The following GRM7 variants were observed in gnomAD, a reference collection of about 807,000 sequenced individuals.
The protein encoded by GRM7 is metabotropic glutamate receptor 7.
Under a neutral mutation model 84.5 loss-of-function variants are expected in GRM7, and 35 were observed. That is an observed-to-expected ratio of 0.41 (90% CI 0.32 to 0.55). The LOEUF (loss-of-function observed/expected upper bound fraction) is 0.55, where lower values mean the gene tolerates loss of function less well. Ranked by LOEUF, GRM7 falls within the 20% of genes least tolerant of loss-of-function variation. The pLI is 0.19. For synonymous variants in GRM7, 487 were observed against 455.1 expected (o/e 1.07, Z -0.89); for missense variants, 1,003 against 1,194.6 (o/e 0.84, Z 2.36).
chr3:7,600,098 C>T (rs934782716), intron 8 of GRM7, among the ~76,000 whole-genome samples: 1 of 152,052 alleles, frequency 6.6e-6, no homozygotes, highest in Non-Finnish European at 1.5e-5. Flanking sequence ...GCAGGATAGG[C>T]ATCCATTTTC....
intron 1 of GRM7, among the ~76,000 whole-genome samples, chr3:6,895,010 T>G (rs1368637551): frequency 6.6e-6 from 1 of 152,182 alleles, no homozygotes; most frequent in Non-Finnish European, 1.5e-5. Context: ...TAAGATTGTC[T>G]TTATCCAAGA....
intron 1 of GRM7, among the ~76,000 whole-genome samples, chr3:7,030,223 C>A (rs1463552887): frequency 1.3e-5 from 2 of 152,118 alleles, no homozygotes; most frequent in East Asian, 3.9e-4. Flanking sequence ...CATTTCTATA[C>A]AACTTTAGAA....
chr3:7,598,284 A>G (rs1468135694), intron 8 of GRM7, among the ~76,000 whole-genome samples: 1 of 152,214 alleles, frequency 6.6e-6, no homozygotes, highest in Non-Finnish European at 1.5e-5. Context: ...CTATTTGGAC[A>G]CATGTCCTTT....
At chr3:7,571,051 A>G (rs537242052) in intron 7 of GRM7, among the ~76,000 whole-genome samples, 2 of 152,044 alleles carry the variant, frequency 1.3e-5, no homozygotes, top group Non-Finnish European at 2.9e-5. Flanking sequence ...CAGTGCACCA[A>G]TTTCCTATGC....
At chr3:7,573,215 T>G (rs1165095987) in intron 7 of GRM7, among the ~76,000 whole-genome samples, 1 of 151,824 alleles carries the variant, frequency 6.6e-6, no homozygotes, top group Non-Finnish European at 1.5e-5. Context: ...TTTCTATCAA[T>G]TAGATAGGAC....
chr3:7,508,075 C>G (rs1173606028), intron 7 of GRM7, among the ~76,000 whole-genome samples: 2 of 152,164 alleles, frequency 1.3e-5, no homozygotes, highest in African/African-American at 4.8e-5. Context: ...TTTTCAATGT[C>G]TGTGTGCTGA....
intron 6 of GRM7, among the ~76,000 whole-genome samples, chr3:7,460,065 C>T (rs4686128): frequency 8.6e-6 from 1 of 116,360 alleles, no homozygotes; most frequent in African/African-American, 3.3e-5. Context: ...ATGACAGCAT[C>T]TTAACCAGAC....
chr3:7,552,488 G>C (rs962215217), intron 7 of GRM7, among the ~76,000 whole-genome samples: 2 of 152,176 alleles, frequency 1.3e-5, no homozygotes, highest in Non-Finnish European at 2.9e-5. Flanking sequence ...CACTGCCCTA[G>C]CAGAGGTCAT....
chr3:7,454,803 T>G (rs974975824), intron 6 of GRM7, among the ~76,000 whole-genome samples: 1 of 152,096 alleles, frequency 6.6e-6, no homozygotes, highest in Non-Finnish European at 1.5e-5. Flanking sequence ...TGGGTAAATA[T>G]AGAAGTAAAT....
intron 4 of GRM7, among the ~76,000 whole-genome samples, chr3:7,337,841 G>A (rs1180474832): frequency 2.0e-5 from 3 of 151,906 alleles, no homozygotes; most frequent in African/African-American, 7.2e-5. Context: ...ATAGAAAACT[G>A]TATGGAGATT....
At chr3:7,074,106 A>T (rs2124987631) in intron 1 of GRM7, among the ~76,000 whole-genome samples, 1 of 152,336 alleles carries the variant, frequency 6.6e-6, no homozygotes, top group East Asian at 1.9e-4. Context: ...TATTAATAAG[A>T]GTAGCAAAAA....
At chr3:7,453,673 G>A (rs548768598) in intron 6 of GRM7, among the ~76,000 whole-genome samples, 1 of 152,198 alleles carries the variant, frequency 6.6e-6, no homozygotes, top group South Asian at 2.1e-4. Flanking sequence ...TCACTTTCCT[G>A]TCAGCCTCCA....
intron 1 of GRM7, among the ~76,000 whole-genome samples, chr3:6,972,794 A>G (rs558265150): frequency 4.6e-5 from 7 of 152,298 alleles, no homozygotes; most frequent in Middle Eastern, 3.4e-3. Context: ...TGGGCCCCCA[A>G]AATAGCTTGA....
chr3:7,741,485 T>C lies in GRM7; in HGVS notation c.*1079T>C, dbSNP rs1559515985. The C allele has an allele frequency of 6.6e-6, 1 of 152,654 alleles. No individual in the cohort carries two copies. Among genetic ancestry groups the C allele is most frequent in the East Asian group, 1.9e-4 (1 of 5,190 alleles). 9.5% of individuals were successfully genotyped at this position (152,654 alleles called of 1,614,324 possible). On this transcript the variant is annotated 3_prime_UTR_variant, in exon 10 of 10. Coordinates refer to ENST00000357716, the MANE Select transcript of GRM7 (RefSeq NM_000844.4). The stretch of plus-strand genomic sequence containing the variant: ...CTCTTTCCATTCTCTTTCAATTCTG[T>C]GATATTGTCCAAGAATGTATCAATA...
At chr3:7,045,484 G>C (rs1291547959) in intron 1 of GRM7, among the ~76,000 whole-genome samples, 1 of 152,142 alleles carries the variant, frequency 6.6e-6, no homozygotes, top group African/African-American at 2.4e-5. Flanking sequence ...TAAATGTCCA[G>C]AACTCATTGT....
chr3:7,449,515 T>C (rs1187924843), intron 5 of GRM7, among the ~76,000 whole-genome samples: 1 of 152,148 alleles, frequency 6.6e-6, no homozygotes, highest in Non-Finnish European at 1.5e-5. Flanking sequence ...GAAAAATCTT[T>C]AAAAATCAAC....
intron 7 of GRM7, among the ~76,000 whole-genome samples, chr3:7,462,974 A>G (rs1258414725): frequency 6.6e-6 from 1 of 151,612 alleles, no homozygotes; most frequent in South Asian, 2.1e-4. Context: ...AAAACAACAC[A>G]AACAAAAACC....
At chr3:7,175,740 G>A (rs1695125160) in intron 2 of GRM7, among the ~76,000 whole-genome samples, 1 of 152,206 alleles carries the variant, frequency 6.6e-6, no homozygotes, top group East Asian at 1.9e-4. Flanking sequence ...GTTTCACCAT[G>A]TTGGCCAGGC....
At chr3:7,244,779 T>C (rs1486951318) in intron 2 of GRM7, among the ~76,000 whole-genome samples, 1 of 151,946 alleles carries the variant, frequency 6.6e-6, no homozygotes, top group Non-Finnish European at 1.5e-5. Context: ...TCAAAAAATA[T>C]CCATCATAAG....
Sources: allele counts gnomAD v4.1 joint callset (sites outside exome capture counted in the v4.1 genomes callset), GRCh38; gene constraint gnomAD v4.1.1; transcripts MANE v1.5; gene names NCBI Gene and HGNC (gene_info 2026-07-23, HGNC 2026-07-21).